Variants in MPO observed in about 807,000 individuals in gnomAD.
MPO encodes the protein myeloperoxidase.
Under a neutral mutation model 69.4 loss-of-function variants are expected in MPO, and 57 were observed. The ratio of observed to expected loss-of-function variants is 0.82; its 90% CI spans 0.66 to 1.02. MPO has a LOEUF of 1.02. Among genes scored for constraint, MPO ranks in the 50% least tolerant of loss-of-function variants. The probability of loss-of-function intolerance (pLI) is 0.00; values close to 1 mark genes in which losing one functional copy is unlikely to be tolerated. For synonymous variants in MPO, 426 were observed against 417.1 expected (o/e 1.02, Z -0.26); for missense variants, 971 against 1,014.1 (o/e 0.96, Z 0.58).
In MPO at chr17:58,270,946, A is replaced by ACAGC; in HGVS notation, c.2031-84_2031-83insGCTG. On this transcript the variant is annotated intron_variant, in intron 11 of 11. Coordinates refer to ENST00000225275, the MANE Select transcript of MPO (RefSeq NM_000250.2). This position sits in a 1 kb window ranked among gnomAD's most constrained non-coding sequence, Gnocchi z 4.1. ...TCGATGGGCTTGTGCTGCTCCCAGG[A>ACAGC]TATAACAAAGCCACAACAAATGCCA... The ACAGC allele has an allele frequency of 6.6e-7, 1 of 1,510,100 alleles. No individual in the cohort carries two copies. The highest frequency in any genetic ancestry group is 9.2e-7 in the Non-Finnish European group (1 of 1,092,230). The allele number at this position is 1,510,100 out of a possible 1,614,324, so 93.5% of individuals were successfully genotyped here.
Position 58,272,736 on chromosome 17 carries a change from G to A in MPO, c.1792+12C>T. On this transcript the variant is annotated intron_variant, in intron 10 of 11. Coordinates refer to ENST00000225275, the MANE Select transcript of MPO (RefSeq NM_000250.2). ...GAGGTGAGCATCAGGGGAGACTCCT[G>A]CAGCCCCTCACCTGGGAGGCCGTGG... 1.2e-6 allele frequency: 2 copies of A among 1,612,444 alleles called. No individual in the cohort carries two copies. Among genetic ancestry groups the A allele is most frequent in the South Asian group, 2.2e-5 (2 of 91,062 alleles).
rs761687700 is a variant in MPO, at chr17:58,278,147, T to C, written c.886-2A>G. ...GATGCGGGGGTCATTGGGCGGGATC[T>C]GAGGCACAGAGAGAGGCTAGACTGG... On this transcript the variant is annotated splice_acceptor_variant, in intron 6 of 11. Coordinates refer to ENST00000225275, the MANE Select transcript of MPO (RefSeq NM_000250.2). LOFTEE classifies it high-confidence loss of function. 1.3e-5 allele frequency: 21 copies of C among 1,600,504 alleles called. No individual in the cohort carries two copies. Among genetic ancestry groups the C allele is most frequent in the Non-Finnish European group, 1.8e-5 (21 of 1,179,858 alleles).
intron 6 of MPO, chr17:58,278,764 C>T (rs1323875747): frequency 1.7e-6 from 1 of 597,818 alleles, no homozygotes. Flanking sequence ...GGAGGAACAA[C>T]CCTCTCTCCC....
Position 58,272,566 on chromosome 17 carries a change from A to C in MPO, c.1792+182T>G, listed in dbSNP as rs184416945. Among the ~76,000 whole-genome samples, 189 of 152,330 alleles carry C rather than the reference A, an allele frequency of 1.2e-3. 1 individual carries two copies. The highest frequency in any genetic ancestry group is 4.4e-3 in the African/African-American group (181 of 41,578). On this transcript the variant is annotated intron_variant, in intron 10 of 11. Transcript: ENST00000225275. The stretch of plus-strand genomic sequence containing the variant: ...TGCAAAGGAGGTTGAGAGGAGCTGG[A>C]AATTTATCAGGTGGGTCCGGGAAAA...
In MPO at chr17:58,277,871, CAG is replaced by C; in HGVS notation, c.1158_1159del (p.Cys387SerfsTer21). 6.2e-7 allele frequency: 1 copy of C among 1,608,544 alleles called. No homozygotes were observed. Among genetic ancestry groups the C allele is most frequent in the South Asian group, 1.1e-5 (1 of 91,074 alleles). ...GCGCGCTGAGCGGTTGGTGAGGAGA[CAG>C]GGGTCATCGTGCAGGTTGTCAAAGG... On this transcript the variant is annotated frameshift_variant, in exon 7 of 12. Coordinates refer to ENST00000225275, the MANE Select transcript of MPO (RefSeq NM_000250.2). LOFTEE classifies it high-confidence loss of function.
In MPO at chr17:58,280,373, G is replaced by A. The variant is rs771107623; in HGVS notation, c.241C>T (p.Arg81Trp). 2.2e-5 allele frequency: 35 copies of A among 1,613,788 alleles called. No homozygotes were observed. The highest frequency in any genetic ancestry group is 6.6e-5 in the South Asian group (6 of 91,070). The change falls in exon 2 of 12, where the codon CGG (arginine) becomes TGG (tryptophan). Residue 81 changes from arginine (R) to tryptophan (W), a missense_variant. Transcript: ENST00000225275. Reference sequence around the variant, plus strand: ...CAGTGCCTCGTGCCCCACCTTTCCCGCCGCTCCTTGTAGGCCTTGTCCACC... The same window carrying A: ...CAGTGCCTCGTGCCCCACCTTTCCCACCGCTCCTTGTAGGCCTTGTCCACC... ...QLVDKAYKER[R>W]ESIKQRLRSG...
At chr17:58,278,577 C>T (rs1348406669) in intron 6 of MPO, among the ~76,000 whole-genome samples, 2 of 152,140 alleles carry the variant, frequency 1.3e-5, no homozygotes, top group African/African-American at 4.8e-5. Context: ...CCACGGCACC[C>T]ACCAGACCCC....
At chr17:58,280,186 G>A in intron 2 of MPO, 172 bp from the exon 3 acceptor site, 1 of 1,034,030 alleles carries the variant, frequency 9.7e-7, no homozygotes, top group Non-Finnish European at 1.4e-6. Context: ...GCAAGGCTTT[G>A]GGAAGGATGG....
chr17:58,276,629 T>G (rs1490244786), intron 7 of MPO, among the ~76,000 whole-genome samples: 1 of 152,026 alleles, frequency 6.6e-6, no homozygotes, highest in Admixed American at 6.5e-5. Flanking sequence ...GGCAGCTGAG[T>G]CTGGCTAAGG....
chr17:58,278,329 A>G (rs1466829206), intron 6 of MPO, among the ~76,000 whole-genome samples, 184 bp from the exon 7 acceptor site: 1 of 152,014 alleles, frequency 6.6e-6, no homozygotes, highest in Non-Finnish European at 1.5e-5. Context: ...AGGGTTAATG[A>G]GCAGAACACT....
chr17:58,277,987 G>C lies in MPO; in HGVS notation c.1044C>G (p.Pro348=), dbSNP rs35755750. Residue 348 remains proline (P), a synonymous_variant, in exon 7 of 12, where the codon CCC becomes CCG. Transcript: ENST00000225275. ...DASMVYGSEE[P]LARNLRNMSN... is the part of the protein sequence containing the mutation. ...ACATGTTGCGCAGGTTCCTGGCCAGGGGCTCCTCGCTGCCGTACACCATGC... is the reference window on the plus strand; with the variant it reads ...ACATGTTGCGCAGGTTCCTGGCCAGCGGCTCCTCGCTGCCGTACACCATGC... 2.1e-4 allele frequency: 344 copies of C among 1,613,844 alleles called. 3 individuals carry two copies. The African/African-American group carries it at 4.0e-3, about 19-fold the overall frequency.
At chr17:58,277,339 G>T (rs1374457482) in intron 7 of MPO, among the ~76,000 whole-genome samples, 1 of 152,174 alleles carries the variant, frequency 6.6e-6, no homozygotes, top group Non-Finnish European at 1.5e-5. Context: ...AGACTGTAAG[G>T]CAATTGAGCA....
chr17:58,274,502 G>A (rs374603686), intron 8 of MPO, among the ~76,000 whole-genome samples: 2 of 152,088 alleles, frequency 1.3e-5, no homozygotes, highest in East Asian at 3.9e-4. Flanking sequence ...AGGACATTGG[G>A]TGGATTATGA....
rs1202320077 is a variant in MPO, at chr17:58,277,862, G to A, written c.1169C>T (p.Thr390Ile). ...GCAGGGGATGCGCGCTGAGCGGTTG[G>A]TGAGGAGACAGGGGTCATCGTGCAG... Reference protein sequence around the residue: ...DNLHDDPCLLTNRSARIPCFL... With the variant: ...DNLHDDPCLLINRSARIPCFL... The change falls in exon 7 of 12, where the codon ACC becomes ATC. Residue 390 changes from threonine (T) to isoleucine (I), a missense_variant. Thr to Ile is a moderately conservative substitution (Grantham distance 89). Coordinates refer to ENST00000225275, the MANE Select transcript of MPO (RefSeq NM_000250.2). 4.4e-6 allele frequency: 7 copies of A among 1,607,398 alleles called. No homozygotes were observed. Among genetic ancestry groups the A allele is most frequent in the Non-Finnish European group, 5.9e-6 (7 of 1,180,028 alleles).
chr17:58,280,021 GGAGA>G lies in MPO; in HGVS notation c.249-11_249-8del, dbSNP rs1303227106. The G allele has an allele frequency of 1.2e-6, 2 of 1,611,982 alleles. No individual in the cohort carries two copies. Among genetic ancestry groups the G allele is most frequent in the East Asian group, 2.2e-5 (1 of 44,884 alleles). On this transcript the variant is annotated splice_polypyrimidine_tract_variant and splice_region_variant and intron_variant, in intron 2 of 11. Transcript: ENST00000225275. ...GCGAAGCCGCTGCTTGATGCTGCTT[GGAGA>G]AAGGAGGAGTGAGGGCCAGAGAAGG... is the stretch of plus-strand genomic sequence containing the variant.
In MPO at chr17:58,272,584, C is replaced by T. The variant is rs142726443; in HGVS notation, c.1792+164G>A. On this transcript the variant is annotated intron_variant, in intron 10 of 11. Coordinates refer to ENST00000225275, the MANE Select transcript of MPO (RefSeq NM_000250.2). Reference sequence around the variant, plus strand: ...GAGCTGGAAATTTATCAGGTGGGTCCGGGAAAAGGCAGGGGCCTGGCCTCA... The same window carrying T: ...GAGCTGGAAATTTATCAGGTGGGTCTGGGAAAAGGCAGGGGCCTGGCCTCA... Among the ~76,000 whole-genome samples, 11 of 152,220 alleles carry T rather than the reference C, an allele frequency of 7.2e-5. No homozygotes were observed. The East Asian group carries it at 2.1e-3, about 29-fold the overall frequency.
At position 58,271,754 on chromosome 17, in the gene MPO, A is replaced by G. The variant is rs1299171457; in HGVS notation, c.1931T>C (p.Met644Thr). 6.2e-7 allele frequency: 1 copy of G among 1,613,942 alleles called. No homozygotes were observed. Among genetic ancestry groups the G allele is most frequent in the African/African-American group, 1.3e-5 (1 of 75,048 alleles). Residue 644 changes from methionine to threonine, a missense_variant, in exon 11 of 12, where the codon ATG becomes ACG. Coordinates refer to ENST00000225275, the MANE Select transcript of MPO (RefSeq NM_000250.2). ...YGTPNNIDIW[M>T]GGVSEPLKRK... ...CTTCAGAGGCTCGGACACGCCGCCC[A>G]TCCAGATGTCGATGTTGTTGGGCGT...
chr17:58,279,551 G>T lies in MPO; in HGVS notation c.520C>A (p.Arg174Ser). Residue 174 changes from arginine to serine, a missense_variant, in exon 4 of 12, where the codon CGC becomes AGC. Arg to Ser is a moderately radical substitution (Grantham distance 110). Coordinates refer to ENST00000225275, the MANE Select transcript of MPO (RefSeq NM_000250.2). ...TTGTTGCACATCCCGGTGATGGTGC[G>T]GTATTTGTCCTGCTCCGGGCAAGTC... ...GVTCPEQDKY[R>S]TITGMCNNRR... is the part of the protein sequence containing the mutation. The T allele has an allele frequency of 6.2e-7, 1 of 1,614,122 alleles. No individual in the cohort carries two copies. Among genetic ancestry groups the T allele is most frequent in the Non-Finnish European group, 8.5e-7 (1 of 1,180,036 alleles).
At chr17:58,272,643 G>T in intron 10 of MPO, 105 bp downstream of exon 10, 1 of 1,364,234 alleles carries the variant, frequency 7.3e-7, no homozygotes, top group Non-Finnish European at 1.0e-6. Flanking sequence ...CCTCTAATAT[G>T]CTTTGGAGAG....
Sources: allele counts gnomAD v4.1 joint callset (sites outside exome capture counted in the v4.1 genomes callset), GRCh38; gene constraint gnomAD v4.1.1; non-coding constraint Gnocchi (gnomAD v3.1); transcripts MANE v1.5; gene names NCBI Gene and HGNC (gene_info 2026-07-23, HGNC 2026-07-21).